The following FOXP2 variants were observed in gnomAD, a reference collection of about 807,000 sequenced individuals.
The protein encoded by FOXP2 is forkhead box protein P2.
FOXP2 carries 12 observed loss-of-function variants against 115.8 expected under a neutral mutation model. The observed-to-expected ratio is 0.10, with a 90% CI of 0.07 to 0.17. The LOEUF (loss-of-function observed/expected upper bound fraction) is 0.17. Ranked by LOEUF, FOXP2 falls within the 10% of genes least tolerant of loss-of-function variation. The probability of loss-of-function intolerance (pLI) is 1.00; values close to 1 mark genes in which losing one functional copy is unlikely to be tolerated. For missense variants in FOXP2, 629 were observed against 843.5 expected (o/e 0.75, Z 3.15); for synonymous variants, 328 against 297.7 (o/e 1.10, Z -1.05).
chr7:114,426,755 C>A, intron 2 of FOXP2, 76 bp downstream of exon 2: 2 of 1,409,268 alleles, frequency 1.4e-6, no homozygotes, highest in Non-Finnish European at 2.0e-6. Context: ...GTATTCATAG[C>A]AAACTGAGCA....
chr7:114,322,040 G>A (rs1033498467), intron 2 of FOXP2, among the ~76,000 whole-genome samples: 11 of 107,030 alleles, frequency 1.0e-4, no homozygotes, highest in Non-Finnish European at 2.1e-4. Flanking sequence ...TTTTTTTTTT[G>A]AGATAGGGTC....
chr7:114,592,228 A>G lies in FOXP2; in HGVS notation c.259-36312A>G, dbSNP rs538159563. On this transcript the variant is annotated intron_variant, in intron 3 of 16. Coordinates refer to ENST00000350908, the MANE Select transcript of FOXP2 (RefSeq NM_014491.4). Reference sequence around the variant, plus strand: ...CTATTGGTGGATAAATTATTTCAAGACATTCCCTATTTACGTAATTCTAAA... The same window carrying G: ...CTATTGGTGGATAAATTATTTCAAGGCATTCCCTATTTACGTAATTCTAAA... Among the ~76,000 whole-genome samples the G allele has an allele frequency of 1.9e-4, 29 of 152,172 alleles. No homozygotes were observed. In the South Asian group the frequency reaches 5.8e-3, roughly 30 times the overall value.
chr7:114,374,891 A>G (rs751786881), intron 2 of FOXP2, among the ~76,000 whole-genome samples: 6 of 152,142 alleles, frequency 3.9e-5, no homozygotes, highest in Non-Finnish European at 8.8e-5. Context: ...GTAGAAGTTC[A>G]TTGGGATTGG....
intron 1 of FOXP2, among the ~76,000 whole-genome samples, chr7:114,250,619 T>C (rs984470461): frequency 1.2e-4 from 18 of 152,170 alleles, no homozygotes; most frequent in African/African-American, 4.1e-4. Context: ...TGTTCATAAA[T>C]AACATTTGCC....
chr7:114,134,782 A>T (rs552284542), intron 1 of FOXP2, among the ~76,000 whole-genome samples: 9 of 151,906 alleles, frequency 5.9e-5, no homozygotes, highest in East Asian at 1.9e-4. Context: ...GAGAGGTGCC[A>T]CCTAGCTTCC....
chr7:114,541,544 C>T (rs1329810046), intron 3 of FOXP2, among the ~76,000 whole-genome samples: 1 of 152,004 alleles, frequency 6.6e-6, no homozygotes, highest in African/African-American at 2.4e-5. Context: ...CCTCATTCTT[C>T]ATCATTCATC....
chr7:114,264,643 T>A (rs1249683903), intron 1 of FOXP2, among the ~76,000 whole-genome samples: 1 of 152,200 alleles, frequency 6.6e-6, no homozygotes, highest in African/African-American at 2.4e-5. Flanking sequence ...TGTGTTAGGC[T>A]GTTTTTGAGT....
rs113902507 is a variant in FOXP2, at chr7:114,225,686, C to T, written c.-101-62333C>T. On this transcript the variant is annotated intron_variant, in intron 1 of 17. Coordinates refer to the FOXP2 transcript ENST00000634411. Reference sequence around the variant, plus strand: ...CAGGCTGGTCTCAAACTCCTGGCCTCCAGGGGTCTTCCTGTCTTGGCCGCC... The same window carrying T: ...CAGGCTGGTCTCAAACTCCTGGCCTTCAGGGGTCTTCCTGTCTTGGCCGCC... 9.6e-3 allele frequency among the ~76,000 whole-genome samples: 1,459 copies of T among 152,152 alleles called. 29 individuals carry two copies. The highest frequency in any genetic ancestry group is 0.033 in the African/African-American group (1,352 of 41,516).
intron 2 of FOXP2, among the ~76,000 whole-genome samples, chr7:114,437,862 A>C (rs1297103770): frequency 6.6e-6 from 1 of 152,158 alleles, no homozygotes; most frequent in African/African-American, 2.4e-5. Flanking sequence ...AGTTCAGTTC[A>C]GTTCAGTTCA....
At chr7:114,256,116 GTTTGAGACAGAGT>G (rs1795605295) in intron 1 of FOXP2, among the ~76,000 whole-genome samples, 1 of 149,624 alleles carries the variant, frequency 6.7e-6, no homozygotes, top group Non-Finnish European at 1.5e-5. Flanking sequence ...CTTTTTTTTT[GTTTGAGACAGAGT>G]TTTGCTCTTG....
intron 2 of FOXP2, among the ~76,000 whole-genome samples, chr7:114,508,221 A>G (rs1343693403): frequency 2.6e-5 from 4 of 151,974 alleles, no homozygotes; most frequent in Non-Finnish European, 4.4e-5. Context: ...TGAAAGTGAA[A>G]CTCAAGCTTA....
chr7:114,144,956 T>C (rs1262334960), intron 1 of FOXP2, among the ~76,000 whole-genome samples: 1 of 152,186 alleles, frequency 6.6e-6, no homozygotes, highest in African/African-American at 2.4e-5. Flanking sequence ...AGTTGCCTTG[T>C]TGGAGCAATC....
At chr7:114,520,435 G>A (rs547277556) in intron 2 of FOXP2, among the ~76,000 whole-genome samples, 2 of 152,124 alleles carry the variant, frequency 1.3e-5, no homozygotes, top group Non-Finnish European at 2.9e-5. Context: ...AACACTATCA[G>A]GTAATTTTTT....
Position 114,693,544 on chromosome 7 carries a change from C to A in FOXP2, c.*3618C>A. The A allele has an allele frequency of 2.2e-6, 1 of 453,216 alleles. No individual in the cohort carries two copies. Among genetic ancestry groups the A allele is most frequent in the Non-Finnish European group, 4.4e-6 (1 of 226,376 alleles). The allele number at this position is 453,216 out of a possible 1,614,324, so 28.1% of individuals were successfully genotyped here. A position where few individuals can be genotyped will look rare whatever the true frequency, so the allele number is the denominator to read the frequency against. ...AAGCTATTGAAAGGAACATGGCTTA[C>A]CCTTGTTATTTCACTAGTTCAGGTT... On this transcript the variant is annotated 3_prime_UTR_variant, in exon 17 of 17. Transcript: ENST00000350908.
chr7:114,637,521 A>G (rs1261901632), intron 6 of FOXP2, among the ~76,000 whole-genome samples: 1 of 152,132 alleles, frequency 6.6e-6, no homozygotes, highest in African/African-American at 2.4e-5. Flanking sequence ...TTCTGGCCAA[A>G]TTTTAAAACT....
intron 11 of FOXP2, among the ~76,000 whole-genome samples, chr7:114,658,942 G>C (rs1585002539): frequency 6.6e-6 from 1 of 152,128 alleles, no homozygotes; most frequent in South Asian, 2.1e-4. Flanking sequence ...TGGGTGCTTG[G>C]TGAGGGTTTT....
intron 1 of FOXP2, chr7:114,419,979 G>A (rs977131006): frequency 3.9e-5 from 6 of 152,034 alleles, no homozygotes; most frequent in African/African-American, 1.2e-4. Flanking sequence ...GTATTAAAGG[G>A]ACATTTGGCA....
At chr7:114,406,971 T>C (rs1229593179) in intron 2 of FOXP2, among the ~76,000 whole-genome samples, 2 of 151,978 alleles carry the variant, frequency 1.3e-5, no homozygotes, top group Admixed American at 1.3e-4. Flanking sequence ...CTGCTTGTTT[T>C]AGTAACTTGA....
At chr7:114,086,921 G>A (rs909401803), upstream of FOXP2, among the ~76,000 whole-genome samples, 4 of 152,218 alleles carry the variant, frequency 2.6e-5, no homozygotes, top group African/African-American at 7.2e-5. Context: ...ATGATTTTTA[G>A]TTTGGATAAT....
Sources: allele counts gnomAD v4.1 joint callset (sites outside exome capture counted in the v4.1 genomes callset), GRCh38; gene constraint gnomAD v4.1.1; transcripts MANE v1.5; gene names NCBI Gene and HGNC (gene_info 2026-07-23, HGNC 2026-07-21).